DNMBP: variants seen among roughly 807,000 people sequenced by gnomAD.
DNMBP encodes the protein dynamin binding protein, also known as dynamin-binding protein.
A neutral mutation model predicts 150.0 loss-of-function variants in DNMBP; 87 were observed. The ratio of observed to expected loss-of-function variants is 0.58; its 90% CI spans 0.49 to 0.69. The LOEUF (loss-of-function observed/expected upper bound fraction) is 0.69. Among genes scored for constraint, DNMBP ranks in the 30% least tolerant of loss-of-function variants. The probability of loss-of-function intolerance (pLI) is 0.00; values close to 1 mark genes in which losing one functional copy is unlikely to be tolerated. For synonymous variants in DNMBP, 711 were observed against 750.4 expected (o/e 0.95, Z 0.86); for missense variants, 1,774 against 1,949.0 (o/e 0.91, Z 1.69).
chr10:99,997,687 C>G (rs917941781), intron 1 of DNMBP, among the ~76,000 whole-genome samples: 13 of 152,140 alleles, frequency 8.5e-5, no homozygotes, highest in African/African-American at 2.7e-4. Context: ...TGGCTCATGC[C>G]TATAATCCCA....
intron 1 of DNMBP, among the ~76,000 whole-genome samples, chr10:99,976,455 C>G (rs1434541083): frequency 6.6e-6 from 1 of 152,200 alleles, no homozygotes; most frequent in Non-Finnish European, 1.5e-5. Flanking sequence ...TTAGGCCTTT[C>G]TCTTTCAACG....
intron 4 of DNMBP, among the ~76,000 whole-genome samples, chr10:99,914,978 C>A (rs146299794): frequency 1.5e-3 from 232 of 150,880 alleles, no homozygotes; most frequent in African/African-American, 5.5e-3. Context: ...CTTGTAATCC[C>A]AGCTACTTGG....
In DNMBP at chr10:99,881,651, G is replaced by C. The variant is rs80017443; in HGVS notation, c.3998-1290C>G. ...TTGAGTAGATAAAAACTGAAGGATGGAGCAGTTTCTTAAACAGCTTGGGAC... is the reference window on the plus strand; with the variant it reads ...TTGAGTAGATAAAAACTGAAGGATGCAGCAGTTTCTTAAACAGCTTGGGAC... On this transcript the variant is annotated intron_variant, in intron 15 of 16. Coordinates refer to ENST00000324109, the MANE Select transcript of DNMBP (RefSeq NM_015221.4). Among the ~76,000 whole-genome samples, 1,466 of 152,272 alleles carry C rather than the reference G, an allele frequency of 9.6e-3. 17 individuals are homozygous for C. The highest frequency in any genetic ancestry group is 0.034 in the African/African-American group (1,422 of 41,538).
intron 1 of DNMBP, among the ~76,000 whole-genome samples, chr10:100,000,710 T>C (rs1273840533): frequency 2.0e-5 from 3 of 151,896 alleles, no homozygotes; most frequent in South Asian, 2.1e-4. Context: ...GATTCATCTG[T>C]TGAGGGCACA....
At chr10:99,936,477 T>A (rs1192424415) in intron 4 of DNMBP, among the ~76,000 whole-genome samples, 1 of 151,688 alleles carries the variant, frequency 6.6e-6, no homozygotes, top group Non-Finnish European at 1.5e-5. Context: ...ATACCCTTCA[T>A]CTCCAACAAA....
intron 16 of DNMBP, among the ~76,000 whole-genome samples, chr10:99,879,096 A>AG (rs2039322989): frequency 6.7e-6 from 1 of 150,350 alleles, no homozygotes; most frequent in Non-Finnish European, 1.5e-5. Flanking sequence ...AAAAAAAAAA[A>AG]AAAAACCCAA....
At chr10:99,915,736 T>A (rs925471637) in intron 4 of DNMBP, among the ~76,000 whole-genome samples, 1 of 152,092 alleles carries the variant, frequency 6.6e-6, no homozygotes, top group African/African-American at 2.4e-5. Context: ...AAAACAAATA[T>A]TTATATGGCA....
At chr10:99,899,593 T>A (rs1348417115) in intron 7 of DNMBP, among the ~76,000 whole-genome samples, 1 of 151,754 alleles carries the variant, frequency 6.6e-6, no homozygotes, top group Non-Finnish European at 1.5e-5. Context: ...TAAGCTGAGA[T>A]TACACCACTG....
chr10:99,884,772 G>A (rs926557856), intron 14 of DNMBP, among the ~76,000 whole-genome samples: 5 of 152,034 alleles, frequency 3.3e-5, no homozygotes, highest in African/African-American at 9.7e-5. Context: ...GCATGGTAAC[G>A]CATGCCTGTA....
At chr10:99,953,713 A>G (rs1437121250) in intron 4 of DNMBP, among the ~76,000 whole-genome samples, 1 of 151,594 alleles carries the variant, frequency 6.6e-6, no homozygotes, top group Non-Finnish European at 1.5e-5. Flanking sequence ...TCAGCTATTC[A>G]GGAGGCTGAG....
intron 14 of DNMBP, 122 bp downstream of exon 14, chr10:99,885,565 C>G: frequency 1.0e-6 from 1 of 960,204 alleles, no homozygotes; most frequent in South Asian, 1.8e-5. Flanking sequence ...GAATGCAACA[C>G]TATTCTCCAT....
At chr10:99,957,648 C>T (rs1296599562) in intron 3 of DNMBP, 6 of 183,882 alleles carry the variant, frequency 3.3e-5, no homozygotes, top group Non-Finnish European at 6.9e-5. Context: ...CCAGCCTGGG[C>T]AACATGTCAA....
intron 11 of DNMBP, among the ~76,000 whole-genome samples, chr10:99,891,745 C>CA (rs2039566330): frequency 1.8e-5 from 2 of 113,468 alleles, no homozygotes; most frequent in African/African-American, 9.9e-5. Flanking sequence ...TCTTCCCGGC[C>CA]GCCATCACAT....
intron 4 of DNMBP, among the ~76,000 whole-genome samples, chr10:99,933,829 C>T (rs1265980284): frequency 6.6e-6 from 1 of 152,248 alleles, no homozygotes; most frequent in Non-Finnish European, 1.5e-5. Context: ...CTCCGCCTCC[C>T]AGGTTCACAC....
chr10:99,955,904 T>C lies in DNMBP; in HGVS notation c.1570A>G (p.Lys524Glu). ...AGCCCTTGGGCTTGCGGACCAGGCT[T>C]CATCTCCAATCTCTCTGAGATGGAG... ...VYSISERLEM[K>E]PGPQAQGLVM... is the part of the protein sequence containing the mutation. Residue 524 changes from lysine (K) to glutamate (E), a missense_variant, in exon 4 of 17, where the codon AAG (lysine) becomes GAG (glutamate). Lys to Glu is a moderately conservative substitution (Grantham distance 56). Transcript: ENST00000324109. 1 of 1,614,196 alleles carries C rather than the reference T, an allele frequency of 6.2e-7. No homozygotes were observed. The highest frequency in any genetic ancestry group is 8.5e-7 in the Non-Finnish European group (1 of 1,180,036).
chr10:99,877,980 A>C (rs962712587), intron 16 of DNMBP, among the ~76,000 whole-genome samples: 22 of 151,928 alleles, frequency 1.4e-4, no homozygotes, highest in African/African-American at 4.4e-4. Context: ...AAAAATAAGC[A>C]TGATGGTGAA....
At chr10:100,008,677 G>A (rs1196816085) in intron 1 of DNMBP, among the ~76,000 whole-genome samples, 2 of 152,146 alleles carry the variant, frequency 1.3e-5, no homozygotes, top group Non-Finnish European at 2.9e-5. Context: ...TAAAATCGGA[G>A]AACTCGAGAC....
chr10:99,993,691 A>G (rs1409321158), intron 1 of DNMBP, among the ~76,000 whole-genome samples: 1 of 152,134 alleles, frequency 6.6e-6, no homozygotes, highest in Non-Finnish European at 1.5e-5. Flanking sequence ...AGTCCTAGCT[A>G]CTTGGGAGGC....
intron 3 of DNMBP, among the ~76,000 whole-genome samples, chr10:99,964,473 C>A (rs1258417913): frequency 6.6e-6 from 1 of 151,620 alleles, no homozygotes; most frequent in Non-Finnish European, 1.5e-5. Context: ...CCTCCACCCC[C>A]CACCTTTCTT....
Sources: gnomAD v4.1 joint callset for allele counts (sites outside exome capture counted in the v4.1 genomes callset) on GRCh38, gnomAD v4.1.1 for gene constraint, MANE v1.5 for transcripts, NCBI Gene and HGNC (gene_info 2026-07-23, HGNC 2026-07-21) for gene names.